AKAP8: variants seen among roughly 807,000 people sequenced by gnomAD.
AKAP8 encodes A-kinase anchor protein 8.
A neutral mutation model predicts 67.5 loss-of-function variants in AKAP8; 24 were observed. The observed-to-expected ratio is 0.36, with a 90% CI of 0.26 to 0.50. The LOEUF is 0.50. Among genes scored for constraint, AKAP8 ranks in the 20% least tolerant of loss-of-function variants. The pLI is 0.97. For missense variants in AKAP8, 971 were observed against 955.9 expected (o/e 1.02, Z -0.21); for synonymous variants, 400 against 371.1 (o/e 1.08, Z -0.90).
chr19:15,358,304 T>C (rs1160441697), intron 13 of AKAP8, among the ~76,000 whole-genome samples: 1 of 152,056 alleles, frequency 6.6e-6, no homozygotes, highest in Admixed American at 6.6e-5. Context: ...GTTGGCTCTA[T>C]CAATGAAATC....
Position 15,377,027 on chromosome 19 carries a change from C to A in AKAP8, c.20-13G>T, listed in dbSNP as rs748604096. ...CACGCCCCGTAGCCTGCAAGAAGAC[C>A]CCGTGAGTTAAAATTCTATTTGTCA... On this transcript the variant is annotated splice_polypyrimidine_tract_variant and intron_variant, in intron 1 of 13. Transcript: ENST00000269701. The A allele has an allele frequency of 2.5e-6, 4 of 1,612,484 alleles. No homozygotes were observed. The South Asian group carries it at 4.4e-5, about 18-fold the overall frequency.
In AKAP8 at chr19:15,368,329, C is replaced by A. The variant is rs769659837; in HGVS notation, c.1073-7G>T. 3 of 1,613,464 alleles carry A rather than the reference C, an allele frequency of 1.9e-6. No individual in the cohort carries two copies. The highest frequency in any genetic ancestry group is 1.7e-5 in the Admixed American group (1 of 60,008). On this transcript the variant is annotated splice_polypyrimidine_tract_variant and splice_region_variant and intron_variant, in intron 8 of 13. Coordinates refer to ENST00000269701, the MANE Select transcript of AKAP8 (RefSeq NM_005858.4). Reference sequence around the variant, plus strand: ...TCCTCGTCCTCCTTCTCTCCTGTAACAGACAAGTCCCTTCGAGACGCTCTG... The same window carrying A: ...TCCTCGTCCTCCTTCTCTCCTGTAAAAGACAAGTCCCTTCGAGACGCTCTG...
chr19:15,362,421 G>A (rs1194592830), intron 9 of AKAP8, among the ~76,000 whole-genome samples, 170 bp from the exon 10 acceptor site: 5 of 31,226 alleles, frequency 1.6e-4, no homozygotes, highest in East Asian at 2.3e-3. Context: ...GAAGCTGGAC[G>A]GTACTGCTGC....
intron 10 of AKAP8, 44 bp from the exon 11 acceptor site, chr19:15,361,866 C>T (rs377321407): frequency 2.6e-5 from 40 of 1,555,264 alleles, no homozygotes; most frequent in Admixed American, 2.4e-4. Flanking sequence ...GAGAGGTGGG[C>T]GCATGTGGGC....
intron 13 of AKAP8, 142 bp from the exon 14 acceptor site, chr19:15,355,512 G>T: frequency 5.0e-6 from 4 of 801,508 alleles, no homozygotes; most frequent in Non-Finnish European, 5.8e-6. Flanking sequence ...AATCCTACAT[G>T]TTCTCAGAGC....
At chr19:15,372,797 A>G in intron 5 of AKAP8, 54 bp downstream of exon 5, 1 of 1,471,424 alleles carries the variant, frequency 6.8e-7, no homozygotes, top group Non-Finnish European at 9.0e-7. Flanking sequence ...TACCTCAATA[A>G]AGCTGCTAAA....
intron 9 of AKAP8, 133 bp from the exon 10 acceptor site, chr19:15,362,384 C>CCCACCGTCTCCCTCTCCCTCTCTTT (rs1966983048): frequency 2.1e-6 from 1 of 486,572 alleles, no homozygotes; most frequent in Non-Finnish European, 3.3e-6. Flanking sequence ...TCTCCCTCTC[C>CCCACCGTCTCCCTCTCCCTCTCTTT]CCACGGTCTC....
chr19:15,373,817 C>A lies in AKAP8; in HGVS notation c.340G>T (p.Gly114Cys). Residue 114 changes from glycine (G) to cysteine (C), a missense_variant, in exon 4 of 14, where the codon GGC (glycine) becomes TGC (cysteine). Physicochemically the swap from Gly to Cys is radical, Grantham distance 159. Around this residue, in one of 3 missense-constraint regions of AKAP8, gnomAD observed 763 missense variants for 745.4 expected, o/e 1.02. Coordinates refer to ENST00000269701, the MANE Select transcript of AKAP8 (RefSeq NM_005858.4). ...SKEGGRGGSG[G>C]GGEGIQDRES... is the part of the protein sequence containing the mutation. ...CGGTCCTGTATGCCCTCCCCACCGC[C>A]GCCGCTCCCGCCCCTGCCTCCTTCC... The A allele has an allele frequency of 1.2e-6, 2 of 1,611,358 alleles. No homozygotes were observed. The highest frequency in any genetic ancestry group is 1.7e-6 in the Non-Finnish European group (2 of 1,179,830).
chr19:15,363,482 T>TG (rs1230725163), intron 9 of AKAP8, among the ~76,000 whole-genome samples: 1,018 of 70,436 alleles, frequency 0.014, 23 homozygotes, highest in Non-Finnish European at 0.017. Flanking sequence ...GGGAGGGAGG[T>TG]GGGGGGGGTC....
At position 15,354,025 on chromosome 19, in the gene AKAP8, T is replaced by TG. The variant is rs1459501041; in HGVS notation, c.*889_*890insC. 2.6e-5 allele frequency: 4 copies of TG among 152,110 alleles called. No individual in the cohort carries two copies. The East Asian group carries it at 7.7e-4, about 29-fold the overall frequency. The allele number at this position is 152,110 out of a possible 1,614,324, so 9.4% of individuals were successfully genotyped here. On this transcript the variant is annotated 3_prime_UTR_variant, in exon 14 of 14. Transcript: ENST00000269701. ...AATCACATCAAGTTTTCTTTCCTTT[T>TG]TTTTTAAGAGATGGGGTCTTGCTAT...
intron 10 of AKAP8, 115 bp from the exon 11 acceptor site, chr19:15,361,937 C>A: frequency 7.4e-7 from 1 of 1,346,814 alleles, no homozygotes; most frequent in Non-Finnish European, 1.0e-6. Context: ...GGCAGCACAG[C>A]ACGATGGCTG....
intron 1 of AKAP8, among the ~76,000 whole-genome samples, chr19:15,378,804 G>T (rs1198066065): frequency 6.6e-6 from 1 of 152,174 alleles, no homozygotes; most frequent in Non-Finnish European, 1.5e-5. Context: ...CTCCCAAAAG[G>T]CTCTGATTCC....
chr19:15,377,470 C>A lies in AKAP8; in HGVS notation c.20-456G>T, dbSNP rs541610560. On this transcript the variant is annotated intron_variant, in intron 1 of 13. Transcript: ENST00000269701. ...GCATCTTTCTAAGCTGCACTTCCTG[C>A]CACTTTTTGTTTTTTTGAGGCGGGG... is the stretch of plus-strand genomic sequence containing the variant. Among the ~76,000 whole-genome samples the A allele has an allele frequency of 4.6e-5, 7 of 152,328 alleles. No homozygotes were observed. The South Asian group carries it at 1.5e-3, about 32-fold the overall frequency.
chr19:15,368,814 C>CA (rs1372791607), intron 8 of AKAP8: 1 of 985,302 alleles, frequency 1.0e-6, no homozygotes, highest in Non-Finnish European at 1.2e-6. Context: ...ACTAGGGCCT[C>CA]AGCAGGTCTG....
chr19:15,366,705 G>C (rs1014415269), intron 9 of AKAP8, among the ~76,000 whole-genome samples: 1 of 152,110 alleles, frequency 6.6e-6, no homozygotes, highest in Non-Finnish European at 1.5e-5. Context: ...CACCTCCTGG[G>C]TTCAAGCAAT....
At chr19:15,373,603 G>C in intron 4 of AKAP8, 183 bp downstream of exon 4, 1 of 945,090 alleles carries the variant, frequency 1.1e-6, no homozygotes, top group Non-Finnish European at 1.5e-6. Context: ...CCCAAGCCCC[G>C]CCATGAAGAA....
intron 11 of AKAP8, 33 bp from the exon 12 acceptor site, chr19:15,361,011 G>T: frequency 6.2e-7 from 1 of 1,602,404 alleles, no homozygotes; most frequent in South Asian, 1.1e-5. Context: ...TAGGATCTGG[G>T]ACAGCAAGTG....
At chr19:15,361,692 C>T (rs1568424184) in intron 11 of AKAP8, 37 bp downstream of exon 11, 15 of 1,561,776 alleles carry the variant, frequency 9.6e-6, no homozygotes, top group Non-Finnish European at 8.8e-7. Context: ...GCCTTACTAC[C>T]ATCCAGGAAA....
In AKAP8 at chr19:15,358,358, T is replaced by TC. The variant is rs1407323252; in HGVS notation, c.1623+608dup. ...TGGAAAATTCTCATGTACCTTGGAT[T>TC]CTTTTTTTTTTTTTGAAATGGGGTC... On this transcript the variant is annotated intron_variant, in intron 13 of 13. Coordinates refer to ENST00000269701, the MANE Select transcript of AKAP8 (RefSeq NM_005858.4). 2.1e-3 allele frequency among the ~76,000 whole-genome samples: 314 copies of TC among 151,954 alleles called. 1 individual carries two copies. The highest frequency in any genetic ancestry group is 7.2e-3 in the African/African-American group (297 of 41,470).
Sources: allele counts gnomAD v4.1 joint callset (sites outside exome capture counted in the v4.1 genomes callset), GRCh38; gene constraint gnomAD v4.1.1; regional missense constraint gnomAD v4.1.1; transcripts MANE v1.5; gene names NCBI Gene and HGNC (gene_info 2026-07-23, HGNC 2026-07-21).